The following SRRM4 variants were observed in gnomAD, a reference collection of about 807,000 sequenced individuals.
SRRM4 encodes serine/arginine repetitive matrix protein 4.
A neutral mutation model predicts 68.9 loss-of-function variants in SRRM4; 33 were observed. That is an observed-to-expected ratio of 0.48 (90% CI 0.36 to 0.64). The LOEUF is 0.64. Among genes scored for constraint, SRRM4 ranks in the 30% least tolerant of loss-of-function variants. The pLI is 0.00. For synonymous variants in SRRM4, 318 were observed against 318.8 expected (o/e 1.00, Z 0.03); for missense variants, 817 against 827.1 (o/e 0.99, Z 0.15).
Position 119,016,607 on chromosome 12 carries a change from C to A in SRRM4, c.131+34594C>A, listed in dbSNP as rs182306425. ...TCAAATACAAATTTATGGTTCAACA[C>A]TCGTTACCCTGGGAAAGGTTAGACC... On this transcript the variant is annotated intron_variant, in intron 1 of 12. Transcript: ENST00000267260. 9.5e-4 allele frequency among the ~76,000 whole-genome samples: 144 copies of A among 152,310 alleles called. 4 individuals carry two copies. Among genetic ancestry groups the A allele is most frequent in the African/African-American group, 3.4e-3 (140 of 41,572 alleles).
chr12:119,120,767 C>T (rs1592906046), intron 5 of SRRM4, among the ~76,000 whole-genome samples: 1 of 152,178 alleles, frequency 6.6e-6, no homozygotes, highest in East Asian at 1.9e-4. Context: ...CTACCACAAC[C>T]TTGCACAGTG....
At chr12:119,071,532 C>A (rs1311336959) in intron 1 of SRRM4, among the ~76,000 whole-genome samples, 1 of 152,080 alleles carries the variant, frequency 6.6e-6, no homozygotes, top group South Asian at 2.1e-4. Context: ...AATTTACATA[C>A]GATAAAATAA....
intron 8 of SRRM4, among the ~76,000 whole-genome samples, chr12:119,142,398 T>C (rs1954370848): frequency 6.6e-6 from 1 of 152,228 alleles, no homozygotes; most frequent in South Asian, 2.1e-4. Context: ...CAGGTGGTGA[T>C]ACTCTGAAAG....
In SRRM4 at chr12:119,145,499, C is replaced by T. The variant is rs768214379; in HGVS notation, c.890C>T (p.Thr297Met). 34 of 1,610,510 alleles carry T rather than the reference C, an allele frequency of 2.1e-5. No homozygotes were observed. The highest frequency in any genetic ancestry group is 5.0e-5 in the Admixed American group (3 of 59,696). The change falls in exon 9 of 13, where the codon ACG becomes ATG. Residue 297 changes from threonine (T) to methionine (M), a missense_variant. By Grantham distance (81) the Thr-to-Met change is moderately conservative (BLOSUM62 -1). Transcript: ENST00000267260. ...SGNDTSSPPS[T>M]QTSSARSRGQ... ...AATGACACGTCCTCGCCACCCTCCA[C>T]GCAAACCAGCTCAGCCAGGTCTCGG... is the stretch of plus-strand genomic sequence containing the variant.
chr12:119,054,849 C>A (rs981341117), intron 1 of SRRM4, among the ~76,000 whole-genome samples: 15 of 152,286 alleles, frequency 9.8e-5, no homozygotes, highest in Non-Finnish European at 2.1e-4. Flanking sequence ...TTTTTAGCAA[C>A]CTCTAGCAAA....
rs1468665156 is a variant in SRRM4, at chr12:119,154,678, T to C, written c.1532+295T>C. Among the ~76,000 whole-genome samples, 2 of 148,806 alleles carry C rather than the reference T, an allele frequency of 1.3e-5. No individual in the cohort carries two copies. Among genetic ancestry groups the C allele is most frequent in the Non-Finnish European group, 3.0e-5 (2 of 67,260 alleles). ...GAGGGTGGAGCTGGGGCCGGGGAGG[T>C]GGAGCTGGGGCCGGGGAGGCGGAGC... On this transcript the variant is annotated intron_variant, in intron 12 of 12. Coordinates refer to ENST00000267260, the MANE Select transcript of SRRM4 (RefSeq NM_194286.4). The surrounding 1 kb of genome is among the most constrained non-coding windows in gnomAD (Gnocchi z 4.7).
In SRRM4 at chr12:119,042,222, G is replaced by A. The variant is rs145654073; in HGVS notation, c.132-60014G>A. ...CCCTGTAATGCAGTTTGAATCCCAG[G>A]TTGGGGAAGCAGGTTGTACAGTGAG... On this transcript the variant is annotated intron_variant, in intron 1 of 12. Transcript: ENST00000267260. 5.5e-3 allele frequency among the ~76,000 whole-genome samples: 831 copies of A among 152,060 alleles called. 15 individuals carry two copies. The highest frequency in any genetic ancestry group is 0.018 in the African/African-American group (736 of 41,454).
At position 119,025,440 on chromosome 12, in the gene SRRM4, G is replaced by T. The variant is rs796783900; in HGVS notation, c.131+43427G>T. On this transcript the variant is annotated intron_variant, in intron 1 of 12. Transcript: ENST00000267260. Reference sequence around the variant, plus strand: ...GCTCATATATGGAGTTTTTTTTTTTGTTTGTTTGTTTGTTTGTTCTTGAGA... The same window carrying T: ...GCTCATATATGGAGTTTTTTTTTTTTTTTGTTTGTTTGTTTGTTCTTGAGA... Among the ~76,000 whole-genome samples the T allele has an allele frequency of 1.4e-3, 193 of 137,966 alleles. 2 individuals are homozygous for T. Among genetic ancestry groups the T allele is most frequent in the Admixed American group, 5.0e-3 (69 of 13,802 alleles). The allele number at this position is 137,966 out of a possible 152,430, so 90.5% of individuals were successfully genotyped here.
At chr12:118,987,220 G>A (rs1489976379) in intron 1 of SRRM4, among the ~76,000 whole-genome samples, 1 of 152,170 alleles carries the variant, frequency 6.6e-6, no homozygotes, top group East Asian at 1.9e-4. Flanking sequence ...GTAGTGAGGA[G>A]TGAATGAGAT....
In SRRM4 at chr12:119,084,935, T is replaced by C. The variant is rs1391369622; in HGVS notation, c.132-17301T>C. The stretch of plus-strand genomic sequence containing the variant: ...TTTATTTGAGACAGAGTTTTGCTCT[T>C]TGTTGCCCAGGCTGGAATGCAGTGG... On this transcript the variant is annotated intron_variant, in intron 1 of 12. Coordinates refer to ENST00000267260, the MANE Select transcript of SRRM4 (RefSeq NM_194286.4). 3.9e-5 allele frequency among the ~76,000 whole-genome samples: 6 copies of C among 152,184 alleles called. No homozygotes were observed. In the East Asian group the frequency reaches 7.7e-4, roughly 20 times the overall value.
At chr12:119,112,551 A>G (rs1954151424) in intron 2 of SRRM4, among the ~76,000 whole-genome samples, 2 of 152,244 alleles carry the variant, frequency 1.3e-5, no homozygotes, top group African/African-American at 2.4e-5. Context: ...AATGAACCCA[A>G]ATGCCCATCA....
chr12:119,033,854 C>T (rs1404747782), intron 1 of SRRM4, among the ~76,000 whole-genome samples: 3 of 152,016 alleles, frequency 2.0e-5, no homozygotes, highest in Non-Finnish European at 2.9e-5. Context: ...ATGTAATTTT[C>T]CCAATGTCAA....
At chr12:119,042,853 G>A (rs1302019974) in intron 1 of SRRM4, among the ~76,000 whole-genome samples, 1 of 152,094 alleles carries the variant, frequency 6.6e-6, no homozygotes, top group Admixed American at 6.5e-5. Flanking sequence ...CAAGGGCCAG[G>A]AGAGATCAAG....
At chr12:119,050,401 C>T (rs1327943730) in intron 1 of SRRM4, among the ~76,000 whole-genome samples, 1 of 152,214 alleles carries the variant, frequency 6.6e-6, no homozygotes, top group Admixed American at 6.5e-5. Flanking sequence ...CTTTCAAGGG[C>T]CTCTTGGGGA....
Position 119,088,852 on chromosome 12 carries a change from G to A in SRRM4, c.132-13384G>A, listed in dbSNP as rs534443831. On this transcript the variant is annotated intron_variant, in intron 1 of 12. Coordinates refer to ENST00000267260, the MANE Select transcript of SRRM4 (RefSeq NM_194286.4). The stretch of plus-strand genomic sequence containing the variant: ...CTAGGTCCCAAAGGCTATTTACAAT[G>A]AATAATTACAATTACAGTGACAGCT... Among the ~76,000 whole-genome samples, 352 of 152,308 alleles carry A rather than the reference G, an allele frequency of 2.3e-3. 2 individuals carry two copies. Among genetic ancestry groups the A allele is most frequent in the Non-Finnish European group, 3.6e-3 (248 of 68,024 alleles).
chr12:119,067,956 G>A (rs184961942), intron 1 of SRRM4, among the ~76,000 whole-genome samples: 1 of 152,186 alleles, frequency 6.6e-6, no homozygotes, highest in African/African-American at 2.4e-5. Flanking sequence ...TATTAAATCC[G>A]GCCTCCCCAT....
intron 2 of SRRM4, among the ~76,000 whole-genome samples, chr12:119,109,766 T>C (rs1368822923): frequency 6.6e-6 from 1 of 152,222 alleles, no homozygotes; most frequent in Admixed American, 6.5e-5. Context: ...GGTTCAAACA[T>C]CCTCCTTTAG....
intron 1 of SRRM4, among the ~76,000 whole-genome samples, chr12:119,012,525 AAC>A (rs1419992804): frequency 6.6e-6 from 1 of 152,180 alleles, no homozygotes; most frequent in African/African-American, 2.4e-5. Context: ...CAATTATAAG[AAC>A]ACAGTTTTCT....
rs538120957 is a variant in SRRM4 at position 119,160,967 on chromosome 12, T to G, written c.*4169T>G. 6.6e-6 allele frequency: 1 copy of G among 152,310 alleles called. No homozygotes were observed. The highest frequency in any genetic ancestry group is 2.1e-4 in the South Asian group (1 of 4,818). The allele number at this position is 152,310 out of a possible 1,614,324, so 9.4% of individuals were successfully genotyped here. A position where few individuals can be genotyped will look rare whatever the true frequency, so the allele number is the denominator to read the frequency against. ...CCCTTCTTTGAAGGACAGCTGATCT[T>G]TCAGAAGCAGAATAAAATTAAGATG... On this transcript the variant is annotated 3_prime_UTR_variant, in exon 13 of 13. Transcript: ENST00000267260.
Sources: gnomAD v4.1 joint callset for allele counts (sites outside exome capture counted in the v4.1 genomes callset) on GRCh38, gnomAD v4.1.1 for gene constraint, Gnocchi (gnomAD v3.1) non-coding constraint, MANE v1.5 for transcripts, NCBI Gene and HGNC (gene_info 2026-07-23, HGNC 2026-07-21) for gene names.